MALRD1: variants seen among roughly 807,000 people sequenced by gnomAD.
MALRD1 encodes MAM and LDL receptor class A domain containing 1.
MALRD1 carries 247 observed loss-of-function variants against 242.1 expected under a neutral mutation model. That is an observed-to-expected ratio of 1.02 (90% CI 0.92 to 1.13). The LOEUF (loss-of-function observed/expected upper bound fraction) is 1.13. MALRD1 is among the 50% of genes most tolerant of loss of function. The pLI is 0.00. For synonymous variants in MALRD1, 995 were observed against 866.6 expected, an observed-to-expected ratio of 1.15 and a Z score of -2.60; for missense variants, 2,989 against 2,533.1, an observed-to-expected ratio of 1.18 and a Z score of -3.86.
At chr10:19,369,150 T>C (rs1845250860) in intron 26 of MALRD1, among the ~76,000 whole-genome samples, 1 of 134,822 alleles carries the variant, frequency 7.4e-6, no homozygotes, top group South Asian at 2.2e-4. Context: ...TTTAATATTA[T>C]ATATAAACTA....
chr10:19,498,685 C>T (rs998996283), intron 31 of MALRD1, 39 bp downstream of exon 31: 5 of 1,526,256 alleles, frequency 3.3e-6, no homozygotes, highest in Non-Finnish European at 4.4e-6. Flanking sequence ...GAAACCCACT[C>T]ATCTTAAAGT....
intron 4 of MALRD1, among the ~76,000 whole-genome samples, chr10:19,098,332 A>T (rs1203545814): frequency 6.6e-6 from 1 of 152,170 alleles, no homozygotes; most frequent in Non-Finnish European, 1.5e-5. Flanking sequence ...TTTACTTTTC[A>T]TTTCTTTGAT....
chr10:19,056,718 A>G (rs1035846967), intron 1 of MALRD1, among the ~76,000 whole-genome samples: 1 of 152,128 alleles, frequency 6.6e-6, no homozygotes, highest in African/African-American at 2.4e-5. Context: ...TTCCAGTTCT[A>G]TGCTGAAAAT....
chr10:19,186,191 T>C (rs2131573646), intron 14 of MALRD1, among the ~76,000 whole-genome samples: 1 of 152,328 alleles, frequency 6.6e-6, no homozygotes, highest in South Asian at 2.1e-4. Flanking sequence ...TATTTTTCCT[T>C]AGTAAACTGG....
intron 29 of MALRD1, among the ~76,000 whole-genome samples, chr10:19,482,694 C>T (rs12772859): frequency 2.7e-5 from 4 of 147,278 alleles, no homozygotes; most frequent in East Asian, 2.0e-4. Flanking sequence ...CACACACATA[C>T]ACACAAAGCA....
intron 1 of MALRD1, among the ~76,000 whole-genome samples, chr10:19,055,102 A>G (rs1293891692): frequency 1.3e-5 from 2 of 152,182 alleles, no homozygotes; most frequent in African/African-American, 4.8e-5. Context: ...TCTAACAGAT[A>G]TGAGATTATA....
chr10:19,607,737 C>T (rs898656554), intron 34 of MALRD1, 40 bp from the exon 35 acceptor site: 19 of 1,522,904 alleles, frequency 1.2e-5, no homozygotes, highest in Non-Finnish European at 1.6e-5. Flanking sequence ...AAAAAAAAAT[C>T]ATGCTGGCAT....
At chr10:19,385,508 A>C (rs925333121) in intron 26 of MALRD1, among the ~76,000 whole-genome samples, 4 of 152,006 alleles carry the variant, frequency 2.6e-5, no homozygotes, top group African/African-American at 9.7e-5. Context: ...CATTTATCCA[A>C]GTTATTCAAT....
chr10:19,672,395 C>T (rs1841962623), intron 36 of MALRD1, among the ~76,000 whole-genome samples: 1 of 149,260 alleles, frequency 6.7e-6, no homozygotes, highest in Non-Finnish European at 1.5e-5. Context: ...TTGATTGATG[C>T]AACAGAGATA....
chr10:19,457,430 G>A (rs1445067981), intron 29 of MALRD1, among the ~76,000 whole-genome samples: 2 of 152,014 alleles, frequency 1.3e-5, no homozygotes, highest in African/African-American at 4.8e-5. Context: ...TCATCATTAA[G>A]CTGGTCCCCC....
At chr10:19,709,942 C>A (rs1022001322) in intron 38 of MALRD1, among the ~76,000 whole-genome samples, 1 of 152,122 alleles carries the variant, frequency 6.6e-6, no homozygotes, top group Admixed American at 6.6e-5. Context: ...CTTGCATCTT[C>A]CCTAACACAT....
rs186454290 is a variant in MALRD1 at position 19,492,648 on chromosome 10, G to A, written c.5158+1003G>A. 1.1e-4 allele frequency among the ~76,000 whole-genome samples: 17 copies of A among 152,274 alleles called. No individual in the cohort carries two copies. The East Asian group carries it at 3.3e-3, about 29-fold the overall frequency. ...ACAGGGCTGGCTTCTACTAGAAAGT[G>A]TCCCCCGATCCTCAGGAAAAATAGC... On this transcript the variant is annotated intron_variant, in intron 30 of 39. Transcript: ENST00000454679.
intron 5 of MALRD1, among the ~76,000 whole-genome samples, chr10:19,116,095 A>T (rs992306132): frequency 2.6e-5 from 4 of 152,182 alleles, no homozygotes; most frequent in Non-Finnish European, 4.4e-5. Flanking sequence ...TTTATTGAAA[A>T]GAGGATCACT....
chr10:19,539,311 A>G (rs956160555), intron 32 of MALRD1, among the ~76,000 whole-genome samples: 3 of 152,118 alleles, frequency 2.0e-5, no homozygotes, highest in Admixed American at 6.6e-5. Flanking sequence ...GTTTTTCCAC[A>G]TGGCCTATCT....
At chr10:19,700,021 G>GACACACACACAC (rs58040272) in intron 38 of MALRD1, among the ~76,000 whole-genome samples, 86 of 141,270 alleles carry the variant, frequency 6.1e-4, no homozygotes, top group African/African-American at 2.2e-3. Context: ...AATTGATTTA[G>GACACACACACAC]ACACACACAC....
chr10:19,675,324 A>G (rs776194354), intron 36 of MALRD1, among the ~76,000 whole-genome samples: 1 of 152,192 alleles, frequency 6.6e-6, no homozygotes, highest in Non-Finnish European at 1.5e-5. Flanking sequence ...CACATTGTAC[A>G]ATGACAAGCA....
intron 14 of MALRD1, among the ~76,000 whole-genome samples, chr10:19,181,050 T>TA (rs71287317): frequency 0.17 from 25,266 of 151,900 alleles, 2,732 homozygotes; most frequent in Admixed American, 0.26. Context: ...TAGCTATAAT[T>TA]AAAAAAAAGC....
chr10:19,412,047 C>T (rs1480436100), intron 28 of MALRD1, among the ~76,000 whole-genome samples: 1 of 152,128 alleles, frequency 6.6e-6, no homozygotes, highest in Non-Finnish European at 1.5e-5. Flanking sequence ...ACCTGCAATC[C>T]CAGCACTTTG....
rs547376782 is a variant in MALRD1 at position 19,189,033 on chromosome 10, G to GGA, written c.1951+13714_1951+13715dup. ...CAAACCTTTAACGAAATGGACCTAG[G>GGA]GAGAGAGAGAAAGGGAGAGAGACAG... On this transcript the variant is annotated intron_variant, in intron 14 of 39. Coordinates refer to ENST00000454679, the MANE Select transcript of MALRD1 (RefSeq NM_001142308.3). Among the ~76,000 whole-genome samples the GGA allele has an allele frequency of 4.6e-5, 7 of 151,898 alleles. No homozygotes were observed. In the East Asian group the frequency reaches 9.7e-4, roughly 21 times the overall value.
Sources: allele counts gnomAD v4.1 joint callset (sites outside exome capture counted in the v4.1 genomes callset), GRCh38; gene constraint gnomAD v4.1.1; transcripts MANE v1.5; gene names NCBI Gene and HGNC (gene_info 2026-07-23, HGNC 2026-07-21).